ARHGAP22: variants seen among roughly 807,000 people sequenced by gnomAD.
ARHGAP22 encodes rho GTPase-activating protein 22.
ARHGAP22 carries 48 observed loss-of-function variants against 59.1 expected under a neutral mutation model. The observed-to-expected ratio is 0.81, with a 90% confidence interval of 0.64 to 1.03. ARHGAP22 has a LOEUF of 1.03. Among genes scored for constraint, ARHGAP22 ranks in the 50% least tolerant of loss-of-function variants. The pLI is 0.00. For missense variants in ARHGAP22, 1,015 were observed against 958.7 expected (o/e 1.06, Z -0.78); for synonymous variants, 445 against 416.4 (o/e 1.07, Z -0.84).
chr10:48,518,751 G>C (rs2053537367), intron 3 of ARHGAP22, among the ~76,000 whole-genome samples: 1 of 152,224 alleles, frequency 6.6e-6, no homozygotes, highest in African/African-American at 2.4e-5. Flanking sequence ...GAAGGGACTG[G>C]AGTTGAGGAG....
At chr10:48,651,290 G>A (rs1391474942) in intron 1 of ARHGAP22, among the ~76,000 whole-genome samples, 6 of 152,016 alleles carry the variant, frequency 3.9e-5, no homozygotes, top group Admixed American at 2.6e-4. Flanking sequence ...AGGGGCTCAG[G>A]CAACATCATC....
At chr10:48,441,368 AAAG>A (rs1043121820), downstream of ARHGAP22, among the ~76,000 whole-genome samples, 6 of 152,134 alleles carry the variant, frequency 3.9e-5, no homozygotes, top group Non-Finnish European at 8.8e-5. Flanking sequence ...ATGGAAATGT[AAAG>A]AAGAAATCAT....
At chr10:48,473,721 A>G (rs1457411041) in intron 4 of ARHGAP22, among the ~76,000 whole-genome samples, 1 of 152,220 alleles carries the variant, frequency 6.6e-6, no homozygotes, top group Non-Finnish European at 1.5e-5. Context: ...GCAGAGCCAA[A>G]TCACACCTAG....
intron 4 of ARHGAP22, among the ~76,000 whole-genome samples, chr10:48,465,238 G>T (rs1418782010): frequency 6.6e-6 from 1 of 152,230 alleles, no homozygotes; most frequent in Non-Finnish European, 1.5e-5. Context: ...CAGAGCACTG[G>T]CTCTGCCACC....
chr10:48,604,471 A>C (rs754656166), intron 1 of ARHGAP22, among the ~76,000 whole-genome samples: 6 of 152,204 alleles, frequency 3.9e-5, no homozygotes, highest in Admixed American at 6.5e-5. Context: ...CCACCAGGTC[A>C]CCTGGAGCGA....
At chr10:48,555,582 C>T (rs976820661) in intron 2 of ARHGAP22, 32 bp from the exon 3 acceptor site, 4 of 1,602,530 alleles carry the variant, frequency 2.5e-6, no homozygotes, top group Non-Finnish European at 2.6e-6. Context: ...ACACAGGGAG[C>T]ATGAGATGAT....
intron 1 of ARHGAP22, among the ~76,000 whole-genome samples, chr10:48,642,766 C>A (rs550641204): frequency 2.6e-4 from 40 of 152,148 alleles, no homozygotes; most frequent in Non-Finnish European, 5.3e-4. Flanking sequence ...AGAGCTCCTG[C>A]ACAGCAAAAG....
chr10:48,576,957 A>C, intron 2 of ARHGAP22, among the ~76,000 whole-genome samples: 1 of 106,330 alleles, frequency 9.4e-6, no homozygotes, highest in African/African-American at 3.7e-5. Flanking sequence ...CCAAATCTCC[A>C]TGGTAATTTT....
intron 3 of ARHGAP22, among the ~76,000 whole-genome samples, chr10:48,489,754 G>C (rs1385438814): frequency 8.8e-6 from 1 of 113,790 alleles, no homozygotes; most frequent in Admixed American, 9.8e-5. Flanking sequence ...TTTTTTTTGA[G>C]ACGGAGTCTC....
intron 2 of ARHGAP22, among the ~76,000 whole-genome samples, chr10:48,568,929 A>T (rs950581571): frequency 5.3e-5 from 8 of 152,308 alleles, no homozygotes; most frequent in Admixed American, 5.2e-4. Context: ...AGACCCAGCT[A>T]CTCAGACTGG....
At chr10:48,567,474 G>T (rs903033441) in intron 2 of ARHGAP22, among the ~76,000 whole-genome samples, 2 of 152,224 alleles carry the variant, frequency 1.3e-5, no homozygotes, top group East Asian at 3.8e-4. Context: ...CTAGTGAACA[G>T]AATGCTTACC....
chr10:48,551,479 A>C (rs2056886401), intron 3 of ARHGAP22, among the ~76,000 whole-genome samples: 2 of 152,222 alleles, frequency 1.3e-5, no homozygotes, highest in Admixed American at 1.3e-4. Context: ...AACCATGAAA[A>C]GCAAATCTTG....
upstream of ARHGAP22, among the ~76,000 whole-genome samples, chr10:48,607,558 T>A (rs1431943350): frequency 6.6e-6 from 1 of 152,104 alleles, no homozygotes; most frequent in Non-Finnish European, 1.5e-5. Context: ...GGGTGGCCTG[T>A]GGGAGGATGG....
At chr10:48,606,301 T>C (rs1196369674), upstream of ARHGAP22, among the ~76,000 whole-genome samples, 3 of 152,024 alleles carry the variant, frequency 2.0e-5, no homozygotes, top group Admixed American at 2.0e-4. Flanking sequence ...CAGTCCTCCC[T>C]AGGGAACAGT....
At chr10:48,479,500 A>AG (rs2049067631) in intron 4 of ARHGAP22, 136 bp downstream of exon 4, 1 of 1,512,214 alleles carries the variant, frequency 6.6e-7, no homozygotes, top group Non-Finnish European at 8.9e-7. Flanking sequence ...TGGAAGGGCC[A>AG]GCCTGCTGTG....
intron 3 of ARHGAP22, among the ~76,000 whole-genome samples, chr10:48,487,058 C>T (rs1271585635): frequency 6.6e-6 from 1 of 152,142 alleles, no homozygotes; most frequent in African/African-American, 2.4e-5. Flanking sequence ...ATACTTGGAA[C>T]TCACTGAACT....
intron 3 of ARHGAP22, chr10:48,524,273 A>T: frequency 1.4e-5 from 3 of 213,460 alleles, no homozygotes; most frequent in Non-Finnish European, 2.4e-5. Context: ...GGCCCCGCGC[A>T]GCGGGCATGC....
At chr10:48,653,866 G>T (rs151139783), upstream of ARHGAP22, among the ~76,000 whole-genome samples, 3 of 152,192 alleles carry the variant, frequency 2.0e-5, no homozygotes, top group African/African-American at 7.2e-5. Context: ...AAAGGTGTAG[G>T]ATGCCCAGTT....
At chr10:48,470,979 T>A (rs535555662) in intron 4 of ARHGAP22, among the ~76,000 whole-genome samples, 1 of 152,216 alleles carries the variant, frequency 6.6e-6, no homozygotes, top group African/African-American at 2.4e-5. Context: ...TTTAGAGATG[T>A]CATTCCATCA....
Sources: allele counts gnomAD v4.1 joint callset (sites outside exome capture counted in the v4.1 genomes callset), GRCh38; gene constraint gnomAD v4.1.1; transcripts MANE v1.5; gene names NCBI Gene and HGNC (gene_info 2026-07-23, HGNC 2026-07-21).